FBXO31: variants seen among roughly 807,000 people sequenced by gnomAD.
FBXO31 encodes F-box only protein 31.
Under a neutral mutation model 54.4 loss-of-function variants are expected in FBXO31, and 24 were observed. The observed-to-expected ratio is 0.44, with a 90% confidence interval of 0.32 to 0.62. FBXO31 has a LOEUF of 0.62. FBXO31 is among the 20% of genes least tolerant of loss of function. The pLI is 0.05. For synonymous variants in FBXO31, 388 were observed against 335.6 expected, an observed-to-expected ratio of 1.16 and a Z score of -1.71; for missense variants, 665 against 787.1, an observed-to-expected ratio of 0.84 and a Z score of 1.86.
In FBXO31 at chr16:87,338,641, C is replaced by T. The variant is rs549229821; in HGVS notation, c.733-2377G>A. Among the ~76,000 whole-genome samples, 366 of 152,272 alleles carry T rather than the reference C, an allele frequency of 2.4e-3. 1 individual carries two copies. Among genetic ancestry groups the T allele is most frequent in the African/African-American group, 8.4e-3 (349 of 41,536 alleles). On this transcript the variant is annotated intron_variant, in intron 5 of 8. Transcript: ENST00000311635. This position sits in a 1 kb window ranked among gnomAD's most constrained non-coding sequence, Gnocchi z 4.3. The stretch of plus-strand genomic sequence containing the variant: ...GAACATCATCAGATCATGCCAGTGA[C>T]GCAGCCTGGGTACAAGGAATGGCCT...
At chr16:87,361,657 T>C (rs1452217164) in intron 1 of FBXO31, among the ~76,000 whole-genome samples, 2 of 152,226 alleles carry the variant, frequency 1.3e-5, no homozygotes, top group African/African-American at 4.8e-5. Context: ...TGCCTTTTGA[T>C]AAGCCCTACT....
At chr16:87,378,961 CAA>C (rs757273645) in intron 1 of FBXO31, among the ~76,000 whole-genome samples, 4 of 70,858 alleles carry the variant, frequency 5.6e-5, no homozygotes, top group African/African-American at 1.1e-4. Flanking sequence ...GACTCCATCT[CAA>C]AAAAAAAAAA....
In FBXO31 at chr16:87,343,602, A is replaced by G; in HGVS notation, c.653T>C (p.Ile218Thr). 1 of 1,606,684 alleles carries G rather than the reference A, an allele frequency of 6.2e-7. No homozygotes were observed. The highest frequency in any genetic ancestry group is 8.5e-7 in the Non-Finnish European group (1 of 1,176,652). Residue 218 changes from isoleucine (I) to threonine (T), a missense_variant, in exon 4 of 9, where the codon ATC becomes ACC. Ile to Thr is a moderately conservative substitution (Grantham distance 89). This residue lies in a region of FBXO31 where 234 missense variants were observed against 346.8 expected (regional missense o/e 0.67). Transcript: ENST00000311635. ...CAGCCCCGCCGCTGCACACACCTGG[A>G]TGTGGCCGTGGTGGGGCCCTTTGTG... is the stretch of plus-strand genomic sequence containing the variant. ...YGHKGPHHGH[I>T]QIVKKDEFST...
intron 1 of FBXO31, among the ~76,000 whole-genome samples, chr16:87,382,608 G>A (rs1907128765): frequency 6.6e-6 from 1 of 152,096 alleles, no homozygotes; most frequent in African/African-American, 2.4e-5. Context: ...CCCCGACACT[G>A]GGCTTCCCCT....
chr16:87,333,588 C>T (rs1012552948), intron 8 of FBXO31, among the ~76,000 whole-genome samples: 2 of 152,222 alleles, frequency 1.3e-5, no homozygotes, highest in Non-Finnish European at 2.9e-5. Context: ...CCTGGGGGAG[C>T]GGCACTATTG....
intron 2 of FBXO31, among the ~76,000 whole-genome samples, chr16:87,350,572 C>T (rs553149674): frequency 2.6e-5 from 4 of 152,302 alleles, no homozygotes; most frequent in South Asian, 4.1e-4. Flanking sequence ...AACGTACTGA[C>T]GCCTGCAAGT....
chr16:87,366,277 G>A (rs534555176), intron 1 of FBXO31, among the ~76,000 whole-genome samples: 38 of 152,258 alleles, frequency 2.5e-4, no homozygotes, highest in African/African-American at 8.4e-4. Context: ...AAGAGAAGAC[G>A]GTCACAACTG....
Position 87,372,784 on chromosome 16 carries a change from G to A in FBXO31, c.340+10621C>T, listed in dbSNP as rs527723008. Among the ~76,000 whole-genome samples the A allele has an allele frequency of 1.6e-3, 239 of 149,782 alleles. 1 individual carries two copies. Among genetic ancestry groups the A allele is most frequent in the African/African-American group, 5.6e-3 (228 of 40,420 alleles). On this transcript the variant is annotated intron_variant, in intron 1 of 8. Transcript: ENST00000311635. ...GTCTCACTCTGTCACCAGGGCTGGA[G>A]TGCAGTGGTGTGATCTTGGCTCACT...
intron 1 of FBXO31, among the ~76,000 whole-genome samples, chr16:87,362,188 T>A (rs1301076155): frequency 6.6e-6 from 1 of 152,128 alleles, no homozygotes; most frequent in Non-Finnish European, 1.5e-5. Flanking sequence ...AGCATTCACA[T>A]TTTCTAGTAG....
chr16:87,337,275 T>C (rs1905066958), intron 5 of FBXO31, among the ~76,000 whole-genome samples: 1 of 152,234 alleles, frequency 6.6e-6, no homozygotes, highest in Non-Finnish European at 1.5e-5. Context: ...TAACCACCGC[T>C]GAAAGGAAGT....
chr16:87,371,157 T>C (rs1906586336), intron 1 of FBXO31, among the ~76,000 whole-genome samples: 1 of 152,230 alleles, frequency 6.6e-6, no homozygotes, highest in Non-Finnish European at 1.5e-5. Flanking sequence ...CCCAGGCATC[T>C]CCTATCAAAC....
rs908668294 is a variant in FBXO31, at chr16:87,383,310, G to A, written c.340+95C>T. 8 of 1,185,620 alleles carry A rather than the reference G, an allele frequency of 6.7e-6. No individual in the cohort carries two copies. The highest frequency in any genetic ancestry group is 1.7e-5 in the African/African-American group (1 of 60,402). The allele number at this position is 1,185,620 out of a possible 1,614,324, so 73.4% of individuals were successfully genotyped here. On this transcript the variant is annotated intron_variant, in intron 1 of 8. Coordinates refer to ENST00000311635, the MANE Select transcript of FBXO31 (RefSeq NM_024735.5). This position sits in a 1 kb window ranked among gnomAD's most constrained non-coding sequence, Gnocchi z 4.9. ...GCCCCGCGCCCAACTGGTGGCCCCC[G>A]GCCGGGGCCACCGCCCCCGCCACTC...
At chr16:87,363,528 T>C (rs1005959038) in intron 1 of FBXO31, among the ~76,000 whole-genome samples, 1 of 152,226 alleles carries the variant, frequency 6.6e-6, no homozygotes, top group African/African-American at 2.4e-5. Context: ...AGTGAAAATT[T>C]GTCAATGATA....
chr16:87,339,006 G>C (rs1905114500), intron 5 of FBXO31, among the ~76,000 whole-genome samples: 1 of 151,954 alleles, frequency 6.6e-6, no homozygotes, highest in African/African-American at 2.4e-5. Context: ...CTCTTTTTTT[G>C]CCTGCCGCCA....
intron 1 of FBXO31, among the ~76,000 whole-genome samples, chr16:87,364,246 C>G (rs940302833): frequency 1.3e-5 from 2 of 152,230 alleles, no homozygotes; most frequent in Admixed American, 6.5e-5. Flanking sequence ...CCTCACCGCA[C>G]AGGAGGGCTG....
At chr16:87,342,129 G>A (rs1453000726) in intron 5 of FBXO31, among the ~76,000 whole-genome samples, 4 of 152,102 alleles carry the variant, frequency 2.6e-5, no homozygotes, top group Admixed American at 6.5e-5. Context: ...GCGGTGGTGC[G>A]CTCATAGCTC....
At chr16:87,360,016 C>T (rs1355137943) in intron 2 of FBXO31, among the ~76,000 whole-genome samples, 3 of 152,190 alleles carry the variant, frequency 2.0e-5, no homozygotes, top group Non-Finnish European at 4.4e-5. Flanking sequence ...TCCAGGAACA[C>T]CCAAGTCGCT....
chr16:87,351,408 G>A (rs181773437), intron 2 of FBXO31, among the ~76,000 whole-genome samples: 2,825 of 152,074 alleles, frequency 0.019, 36 homozygotes, highest in South Asian at 0.073. Context: ...GGCTCTGGTG[G>A]CGGGGGAAAG....
Position 87,360,344 on chromosome 16 carries a change from C to T in FBXO31, c.363G>A (p.Leu121=). 2 of 1,614,204 alleles carry T rather than the reference C, an allele frequency of 1.2e-6. No homozygotes were observed. The highest frequency in any genetic ancestry group is 1.7e-6 in the Non-Finnish European group (2 of 1,180,042). ...ACACGCCTGTGATCTCCAGCTTCCGCAAGTTTTCGCAAACACCATACTCTG... is the reference window on the plus strand; with the variant it reads ...ACACGCCTGTGATCTCCAGCTTCCGTAAGTTTTCGCAAACACCATACTCTG... ...CREEYGVCEN[L]RKLEITGVSC... The change falls in exon 2 of 9, where the codon TTG becomes TTA. Residue 121 remains leucine (L), a synonymous_variant. Coordinates refer to ENST00000311635, the MANE Select transcript of FBXO31 (RefSeq NM_024735.5).
Sources: gnomAD v4.1 joint callset for allele counts (sites outside exome capture counted in the v4.1 genomes callset) on GRCh38, gnomAD v4.1.1 for gene constraint, gnomAD v4.1.1 regional missense constraint, Gnocchi (gnomAD v3.1) non-coding constraint, MANE v1.5 for transcripts, NCBI Gene and HGNC (gene_info 2026-07-23, HGNC 2026-07-21) for gene names.